Variants in PMFBP1 observed in about 807,000 individuals in gnomAD.
PMFBP1 encodes the protein polyamine-modulated factor 1-binding protein 1.
In PMFBP1, 131 loss-of-function variants were observed where a neutral mutation model predicts 137.8. The ratio of observed to expected loss-of-function variants is 0.95; its 90% CI spans 0.82 to 1.10. The LOEUF (loss-of-function observed/expected upper bound fraction) is 1.10. Among genes scored for constraint, PMFBP1 ranks in the 50% least tolerant of loss-of-function variants. The pLI is 0.00. For missense variants in PMFBP1, 1,199 were observed against 1,175.4 expected (o/e 1.02, Z -0.29); for synonymous variants, 490 against 450.4 (o/e 1.09, Z -1.11).
chr16:72,247,800 A>G, the PMFBP1 span, among the ~76,000 whole-genome samples: 1 of 152,250 alleles, frequency 6.6e-6, no homozygotes, highest in East Asian at 1.9e-4. Flanking sequence ...GATTTTATGT[A>G]TATCTCTTTA....
At chr16:72,124,135 C>T (rs556899199) in intron 17 of PMFBP1, among the ~76,000 whole-genome samples, 24 of 152,232 alleles carry the variant, frequency 1.6e-4, no homozygotes, top group African/African-American at 3.1e-4. Flanking sequence ...CTTAGCCTGC[C>T]GAGTAGCTGG....
chr16:72,227,883 A>C, the PMFBP1 span, among the ~76,000 whole-genome samples: 8,293 of 152,278 alleles, frequency 0.054, 742 homozygotes, highest in African/African-American at 0.19. Flanking sequence ...CATAAATGGT[A>C]GCTATTTATT....
At chr16:72,138,114 T>C (rs1420182255) in intron 7 of PMFBP1, among the ~76,000 whole-genome samples, 1 of 152,188 alleles carries the variant, frequency 6.6e-6, no homozygotes, top group Non-Finnish European at 1.5e-5. Flanking sequence ...AAATGGAGTC[T>C]TATGAGATTT....
chr16:72,165,921 T>C (rs1597491979), intron 2 of PMFBP1, among the ~76,000 whole-genome samples: 1 of 152,104 alleles, frequency 6.6e-6, no homozygotes, highest in East Asian at 1.9e-4. Flanking sequence ...AGAGCTGTTG[T>C]AGGATGGTGG....
the PMFBP1 span, among the ~76,000 whole-genome samples, chr16:72,245,820 T>A: frequency 6.6e-6 from 1 of 152,170 alleles, no homozygotes; most frequent in African/African-American, 2.4e-5. Context: ...CTCCAACCAT[T>A]TCCTTGAACT....
intron 9 of PMFBP1, among the ~76,000 whole-genome samples, chr16:72,134,794 T>C (rs2042599353): frequency 6.6e-6 from 1 of 152,232 alleles, no homozygotes. Context: ...AATGTCACCC[T>C]ATCAGAGAGG....
chr16:72,231,052 G>A, the PMFBP1 span, among the ~76,000 whole-genome samples: 183 of 152,248 alleles, frequency 1.2e-3, no homozygotes, highest in African/African-American at 4.2e-3. Context: ...ATATAACAAT[G>A]AATGATATAT....
the PMFBP1 span, among the ~76,000 whole-genome samples, chr16:72,189,545 G>C: frequency 2.2e-4 from 33 of 152,134 alleles, no homozygotes; most frequent in Non-Finnish European, 3.7e-4. Context: ...CCAGAGGAGG[G>C]GCCTCTCCAA....
chr16:72,186,125 T>C, the PMFBP1 span, among the ~76,000 whole-genome samples: 1 of 152,204 alleles, frequency 6.6e-6, no homozygotes, highest in African/African-American at 2.4e-5. Context: ...TGATAAGCTC[T>C]TTCTTACATA....
At chr16:72,160,798 T>C (rs1172242019) in intron 3 of PMFBP1, among the ~76,000 whole-genome samples, 2 of 152,230 alleles carry the variant, frequency 1.3e-5, no homozygotes, top group Non-Finnish European at 2.9e-5. Context: ...TGCTTCATAT[T>C]TGACCTTTTG....
chr16:72,230,267 A>G, the PMFBP1 span, among the ~76,000 whole-genome samples: 1 of 152,194 alleles, frequency 6.6e-6, no homozygotes, highest in Non-Finnish European at 1.5e-5. Flanking sequence ...TTCATACACA[A>G]ACCATTAGGA....
At chr16:72,183,627 A>C in the PMFBP1 span, among the ~76,000 whole-genome samples, 1 of 152,084 alleles carries the variant, frequency 6.6e-6, no homozygotes, top group African/African-American at 2.4e-5. Flanking sequence ...GCTATTTCCA[A>C]ATAAAGTCAC....
At chr16:72,151,510 G>T (rs2042903157) in intron 4 of PMFBP1, among the ~76,000 whole-genome samples, 1 of 152,212 alleles carries the variant, frequency 6.6e-6, no homozygotes, top group African/African-American at 2.4e-5. Flanking sequence ...AGGTAGTTGA[G>T]TGTGCTAAAT....
the PMFBP1 span, among the ~76,000 whole-genome samples, chr16:72,186,639 A>G: frequency 3.9e-5 from 6 of 152,172 alleles, no homozygotes; most frequent in Non-Finnish European, 8.8e-5. Flanking sequence ...CAGAGAGAGG[A>G]AGCAGAGCAG....
chr16:72,234,168 G>C, the PMFBP1 span, among the ~76,000 whole-genome samples: 2 of 152,176 alleles, frequency 1.3e-5, no homozygotes, highest in Non-Finnish European at 2.9e-5. Flanking sequence ...ATTTTCCAAA[G>C]TGACTGCACC....
At chr16:72,249,058 A>G in the PMFBP1 span, among the ~76,000 whole-genome samples, 1 of 152,084 alleles carries the variant, frequency 6.6e-6, no homozygotes, top group Non-Finnish European at 1.5e-5. Flanking sequence ...TTTGGTTGTA[A>G]GCGATCAAAG....
intron 3 of PMFBP1, among the ~76,000 whole-genome samples, chr16:72,161,745 C>T (rs980925156): frequency 6.6e-6 from 1 of 152,018 alleles, no homozygotes; most frequent in Non-Finnish European, 1.5e-5. Flanking sequence ...TTGGATTTCA[C>T]CAGTTTTTCC....
the PMFBP1 span, among the ~76,000 whole-genome samples, chr16:72,219,918 T>C: frequency 6.6e-6 from 1 of 152,172 alleles, no homozygotes; most frequent in Admixed American, 6.6e-5. Flanking sequence ...GAAAGTTCTT[T>C]AGCAAAAGCA....
the PMFBP1 span, among the ~76,000 whole-genome samples, chr16:72,242,698 T>C: frequency 1.3e-5 from 2 of 152,256 alleles, no homozygotes; most frequent in Non-Finnish European, 2.9e-5. Context: ...ATTTCTATCT[T>C]GTCACAATAT....
Sources: allele counts gnomAD v4.1 joint callset (sites outside exome capture counted in the v4.1 genomes callset), GRCh38; gene constraint gnomAD v4.1.1; transcripts MANE v1.5; gene names NCBI Gene and HGNC (gene_info 2026-07-23, HGNC 2026-07-21).